The following EIF2AK3 variants were observed in gnomAD, a reference collection of about 807,000 sequenced individuals.
EIF2AK3 encodes eukaryotic translation initiation factor 2-alpha kinase 3.
In EIF2AK3, 50 loss-of-function variants were observed where a neutral mutation model predicts 113.5. That is an observed-to-expected ratio of 0.44 (90% CI 0.35 to 0.56). The LOEUF (loss-of-function observed/expected upper bound fraction) is 0.56, where lower values mean the gene tolerates loss of function less well. EIF2AK3 is among the 20% of genes least tolerant of loss of function. The pLI is 0.00. For missense variants in EIF2AK3, 1,185 were observed against 1,378.0 expected, an observed-to-expected ratio of 0.86 and a Z score of 2.22; for synonymous variants, 448 against 495.4, an observed-to-expected ratio of 0.90 and a Z score of 1.27.
At position 88,627,410 on chromosome 2, in the gene EIF2AK3, T is replaced by C; in HGVS notation, c.-136A>G. 8.9e-7 allele frequency: 1 copy of C among 1,125,014 alleles called. No individual in the cohort carries two copies. The highest frequency in any genetic ancestry group is 1.2e-6 in the Non-Finnish European group (1 of 866,752). 69.7% of individuals were successfully genotyped at this position (1,125,014 alleles called of 1,614,324 possible). ...CCGACGGCCTGGACAGCCAGCCGTG[T>C]TCCCCTGGCCACGTCTCAGCCCGGC... On this transcript the variant is annotated 5_prime_UTR_variant, in exon 1 of 17. Transcript: ENST00000303236.
intron 14 of EIF2AK3, 92 bp from the exon 15 acceptor site, chr2:88,562,482 A>G: frequency 9.4e-7 from 1 of 1,060,712 alleles, no homozygotes; most frequent in Non-Finnish European, 1.5e-6. Context: ...TTACTTAGTC[A>G]CTTCTTGGTT....
At chr2:88,609,740 T>C (rs1281489350) in intron 2 of EIF2AK3, among the ~76,000 whole-genome samples, 1 of 151,980 alleles carries the variant, frequency 6.6e-6, no homozygotes, top group Non-Finnish European at 1.5e-5. Context: ...ATGAACAAAG[T>C]GAACTTTTTA....
At chr2:88,596,188 G>A (rs1216249604) in intron 2 of EIF2AK3, among the ~76,000 whole-genome samples, 6 of 152,148 alleles carry the variant, frequency 3.9e-5, no homozygotes, top group Non-Finnish European at 7.4e-5. Flanking sequence ...TAGAGATACT[G>A]ATTCAAGTAG....
chr2:88,575,321 G>A lies in EIF2AK3; in HGVS notation c.2162C>T (p.Ser721Phe). ...GTCACAGGAAATCCCTACTGAAAAA[G>A]ACCTGCTTCTTTGTGGTGAAGGAGC... ...IIAPSPQRSRSFSVGISCDQT... is the reference protein window; with the variant it reads ...IIAPSPQRSRFFSVGISCDQT... The change falls in exon 13 of 17, where the codon TCT (serine) becomes TTT (phenylalanine). Residue 721 changes from serine (S) to phenylalanine (F), a missense_variant. Ser to Phe is a radical substitution (Grantham distance 155, BLOSUM62 -2). This residue lies in a region of EIF2AK3 where 877 missense variants were observed against 1,024.2 expected (regional missense o/e 0.86). Transcript: ENST00000303236. The A allele has an allele frequency of 6.2e-7, 1 of 1,614,164 alleles. No individual in the cohort carries two copies. Among genetic ancestry groups the A allele is most frequent in the Non-Finnish European group, 8.5e-7 (1 of 1,180,022 alleles).
At chr2:88,593,222 T>C (rs1169203564) in intron 4 of EIF2AK3, 50 bp downstream of exon 4, 2 of 1,609,084 alleles carry the variant, frequency 1.2e-6, no homozygotes, top group Middle Eastern at 1.7e-4. Context: ...AATTTTGGTA[T>C]TAGGTGTATT....
intron 3 of EIF2AK3, 146 bp from the exon 4 acceptor site, chr2:88,593,551 T>C: frequency 1.1e-6 from 1 of 907,578 alleles, no homozygotes; most frequent in Admixed American, 2.3e-5. Flanking sequence ...AAGCATCAGT[T>C]AGATTACCAA....
intron 1 of EIF2AK3, among the ~76,000 whole-genome samples, chr2:88,625,142 G>A (rs371276922): frequency 7.2e-5 from 11 of 152,226 alleles, no homozygotes; most frequent in East Asian, 5.8e-4. Flanking sequence ...GCCCCACTCC[G>A]GAGTTTTAAC....
chr2:88,580,807 G>A (rs140421433), intron 10 of EIF2AK3, among the ~76,000 whole-genome samples: 1 of 152,244 alleles, frequency 6.6e-6, no homozygotes, highest in East Asian at 1.9e-4. Context: ...GAGTTAAGGA[G>A]AAGCAATAGA....
chr2:88,562,171 C>T, intron 15 of EIF2AK3, 118 bp downstream of exon 15: 2 of 781,260 alleles, frequency 2.6e-6, no homozygotes, highest in Non-Finnish European at 2.2e-6. Context: ...TCACCTCTTT[C>T]ACTTTTAGTT....
chr2:88,608,141 C>T (rs1363791587), intron 2 of EIF2AK3, among the ~76,000 whole-genome samples: 4 of 151,676 alleles, frequency 2.6e-5, no homozygotes, highest in Non-Finnish European at 4.4e-5. Context: ...AATTATTATA[C>T]AGTCTATCAA....
chr2:88,625,572 G>T (rs2103989383), intron 1 of EIF2AK3, among the ~76,000 whole-genome samples: 1 of 152,232 alleles, frequency 6.6e-6, no homozygotes, highest in African/African-American at 2.4e-5. Context: ...TGTTGTTATA[G>T]GTCTTCTCGT....
At chr2:88,617,279 G>A (rs938498568) in intron 1 of EIF2AK3, among the ~76,000 whole-genome samples, 13 of 152,112 alleles carry the variant, frequency 8.5e-5, no homozygotes, top group Admixed American at 5.9e-4. Flanking sequence ...AGAAAATGTG[G>A]TACATATATA....
intron 13 of EIF2AK3, among the ~76,000 whole-genome samples, chr2:88,572,206 T>C (rs1674330599): frequency 6.6e-6 from 1 of 152,252 alleles, no homozygotes; most frequent in Non-Finnish European, 1.5e-5. Context: ...AATAATAGAC[T>C]ATCCTGCATT....
intron 9 of EIF2AK3, among the ~76,000 whole-genome samples, chr2:88,584,527 GAAAAAAA>G (rs66817563): frequency 4.1e-5 from 3 of 73,326 alleles, no homozygotes; most frequent in African/African-American, 1.7e-4. Context: ...CCCTGTCTCT[GAAAAAAA>G]AAAAAAAAAA....
At chr2:88,564,510 G>A (rs1306201354) in intron 14 of EIF2AK3, among the ~76,000 whole-genome samples, 2 of 152,090 alleles carry the variant, frequency 1.3e-5, no homozygotes, top group African/African-American at 4.8e-5. Context: ...AGCTTCAGTT[G>A]TCATCAACCT....
intron 2 of EIF2AK3, 62 bp downstream of exon 2, chr2:88,613,662 A>C: frequency 6.3e-7 from 1 of 1,594,928 alleles, no homozygotes; most frequent in Non-Finnish European, 8.6e-7. Context: ...CAAACTTCTT[A>C]ATATCAGCAA....
chr2:88,611,193 C>T (rs1675446543), intron 2 of EIF2AK3, among the ~76,000 whole-genome samples: 1 of 152,152 alleles, frequency 6.6e-6, no homozygotes, highest in South Asian at 2.1e-4. Flanking sequence ...GGAGTACAGT[C>T]AGGCAATCTC....
chr2:88,618,749 T>G (rs1223258345), intron 1 of EIF2AK3, among the ~76,000 whole-genome samples: 1 of 152,254 alleles, frequency 6.6e-6, no homozygotes, highest in African/African-American at 2.4e-5. Flanking sequence ...TGTCTCTCAC[T>G]TACATTTTGC....
chr2:88,559,542 GTA>G (rs1491046838), intron 15 of EIF2AK3, among the ~76,000 whole-genome samples: 1 of 150,094 alleles, frequency 6.7e-6, no homozygotes, highest in Non-Finnish European at 1.5e-5. Flanking sequence ...GTGTGTGTGT[GTA>G]TGTACATTTA....
Sources: gnomAD v4.1 joint callset for allele counts (sites outside exome capture counted in the v4.1 genomes callset) on GRCh38, gnomAD v4.1.1 for gene constraint, gnomAD v4.1.1 regional missense constraint, MANE v1.5 for transcripts, NCBI Gene and HGNC (gene_info 2026-07-23, HGNC 2026-07-21) for gene names.